Variants in ZBBX observed in about 807,000 individuals in gnomAD.
The protein encoded by ZBBX is zinc finger B-box domain-containing protein 1.
In ZBBX, 101 loss-of-function variants were observed where a neutral mutation model predicts 108.5. The observed-to-expected ratio is 0.93, with a 90% CI of 0.79 to 1.10. ZBBX has a LOEUF of 1.10. Among genes scored for constraint, ZBBX ranks in the 50% least tolerant of loss-of-function variants. ZBBX has a pLI of 0.00. For missense variants in ZBBX, 1,009 were observed against 941.4 expected (o/e 1.07, Z -0.94); for synonymous variants, 356 against 323.4 (o/e 1.10, Z -1.08).
At chr3:167,291,305 G>A (rs4588360) in intron 18 of ZBBX, among the ~76,000 whole-genome samples, 57,457 of 151,562 alleles carry the variant, frequency 0.38, 11,168 homozygotes, top group Non-Finnish European at 0.43. Context: ...GGCAGCCAGA[G>A]AGAAAGGTTG....
At chr3:167,356,956 CTATT>C (rs367741919) in intron 8 of ZBBX, among the ~76,000 whole-genome samples, 12 of 152,032 alleles carry the variant, frequency 7.9e-5, no homozygotes, top group African/African-American at 2.7e-4. Flanking sequence ...TGAGGGAAGA[CTATT>C]TATTGGAAAA....
At chr3:167,244,563 G>A (rs2108321091) in intron 20 of ZBBX, among the ~76,000 whole-genome samples, 1 of 152,234 alleles carries the variant, frequency 6.6e-6, no homozygotes, top group South Asian at 2.1e-4. Context: ...AAAGTTAACA[G>A]GAACAAAGGT....
chr3:167,303,327 G>A (rs1202747636), intron 17 of ZBBX, among the ~76,000 whole-genome samples: 2 of 152,014 alleles, frequency 1.3e-5, no homozygotes, highest in African/African-American at 4.8e-5. Context: ...TTATAATACA[G>A]AATCTTAGTA....
At chr3:167,368,671 TA>T in intron 4 of ZBBX, 97 bp from the exon 5 acceptor site, 1 of 1,304,006 alleles carries the variant, frequency 7.7e-7, no homozygotes. Context: ...TCATGAATAA[TA>T]AATAAAATAT....
chr3:167,339,306 C>T (rs1276186119), intron 9 of ZBBX, among the ~76,000 whole-genome samples: 1 of 152,098 alleles, frequency 6.6e-6, no homozygotes, highest in African/African-American at 2.4e-5. Flanking sequence ...CCCTGCATTT[C>T]ACTAAGTTAA....
At chr3:167,296,685 T>C (rs763775871) in intron 18 of ZBBX, among the ~76,000 whole-genome samples, 2 of 151,970 alleles carry the variant, frequency 1.3e-5, no homozygotes, top group South Asian at 4.1e-4. Flanking sequence ...GGAAGACTTA[T>C]GCAATGAAAA....
intron 6 of ZBBX, among the ~76,000 whole-genome samples, chr3:167,363,561 A>C (rs1744865406): frequency 6.6e-6 from 1 of 152,010 alleles, no homozygotes; most frequent in African/African-American, 2.4e-5. Flanking sequence ...TCTTTAATGG[A>C]CTACCTCTTC....
At chr3:167,292,261 A>G (rs1218391185) in intron 18 of ZBBX, among the ~76,000 whole-genome samples, 1 of 152,224 alleles carries the variant, frequency 6.6e-6, no homozygotes, top group Admixed American at 6.5e-5. Context: ...CATTCTTCCC[A>G]GCATCACATC....
chr3:167,391,890 C>T (rs1446377788), intron 1 of ZBBX, among the ~76,000 whole-genome samples: 2 of 151,528 alleles, frequency 1.3e-5, no homozygotes, highest in Non-Finnish European at 3.0e-5. Context: ...ATATATAAAT[C>T]AAGACTTATC....
intron 13 of ZBBX, 116 bp downstream of exon 13, chr3:167,317,372 A>G (rs1735637666): frequency 4.0e-6 from 3 of 748,862 alleles, no homozygotes; most frequent in East Asian, 2.8e-5. Flanking sequence ...AAAAGATTAC[A>G]TGGTACAACT....
At chr3:167,406,807 A>C (rs1307501135) in intron 1 of ZBBX, among the ~76,000 whole-genome samples, 5 of 152,222 alleles carry the variant, frequency 3.3e-5, no homozygotes. Context: ...AGTTGCAAAC[A>C]AAGAGCCAAA....
chr3:167,298,571 T>G, intron 17 of ZBBX, 113 bp from the exon 18 acceptor site: 1 of 746,690 alleles, frequency 1.3e-6, no homozygotes. Context: ...AATTCTTCCC[T>G]CATCAAGTTT....
chr3:167,241,809 T>C (rs1720728269), intron 21 of ZBBX, among the ~76,000 whole-genome samples: 1 of 152,148 alleles, frequency 6.6e-6, no homozygotes, highest in Non-Finnish European at 1.5e-5. Context: ...CTGATTCCCT[T>C]TTTACTGCAG....
At chr3:167,183,519 G>A in the ZBBX span, among the ~76,000 whole-genome samples, 5 of 152,176 alleles carry the variant, frequency 3.3e-5, no homozygotes, top group African/African-American at 1.2e-4. Flanking sequence ...GGGAATCAGG[G>A]GGCTGACAGC....
At chr3:167,366,858 A>T (rs1745400747) in intron 5 of ZBBX, 1 of 456,020 alleles carries the variant, frequency 2.2e-6, no homozygotes, top group Non-Finnish European at 4.4e-6. Flanking sequence ...AGTCCAAATC[A>T]GTGAAGGTAA....
chr3:167,398,015 C>T (rs1220126447), intron 1 of ZBBX, among the ~76,000 whole-genome samples: 1 of 151,814 alleles, frequency 6.6e-6, no homozygotes, highest in African/African-American at 2.4e-5. Context: ...GAAAAATGCA[C>T]ACAGTTGGTA....
intron 16 of ZBBX, among the ~76,000 whole-genome samples, chr3:167,306,526 T>C (rs1733674841): frequency 6.6e-6 from 1 of 152,208 alleles, no homozygotes; most frequent in South Asian, 2.1e-4. Context: ...TTGGTTTACA[T>C]CACCGGTTTT....
At chr3:167,405,138 G>C (rs1431201861) in intron 1 of ZBBX, among the ~76,000 whole-genome samples, 1 of 152,148 alleles carries the variant, frequency 6.6e-6, no homozygotes, top group African/African-American at 2.4e-5. Context: ...CTCTCTTTTG[G>C]ACACTTTTGA....
chr3:167,218,523 G>T, the ZBBX span, among the ~76,000 whole-genome samples: 1 of 151,920 alleles, frequency 6.6e-6, no homozygotes, highest in Non-Finnish European at 1.5e-5. Flanking sequence ...CTTTTTGCTT[G>T]TTTGTTTACG....
Sources: gnomAD v4.1 joint callset for allele counts (sites outside exome capture counted in the v4.1 genomes callset) on GRCh38, gnomAD v4.1.1 for gene constraint, MANE v1.5 for transcripts, NCBI Gene and HGNC (gene_info 2026-07-23, HGNC 2026-07-21) for gene names.